Variants in FSD1L observed in about 807,000 individuals in gnomAD.
The protein encoded by FSD1L is fibronectin type III and SPRY domain containing 1 like, also known as FSD1-like protein.
In FSD1L, 45 loss-of-function variants were observed where a neutral mutation model predicts 71.6. That is an observed-to-expected ratio of 0.63 (90% CI 0.49 to 0.81). The LOEUF (loss-of-function observed/expected upper bound fraction) is 0.81, where lower values mean the gene tolerates loss of function less well. Ranked by LOEUF, FSD1L falls within the 30% of genes least tolerant of loss-of-function variation. FSD1L has a pLI of 0.00. For synonymous variants in FSD1L, 197 were observed against 207.2 expected, an observed-to-expected ratio of 0.95 and a Z score of 0.42; for missense variants, 561 against 618.1, an observed-to-expected ratio of 0.91 and a Z score of 0.98.
At chr9:105,485,738 G>T (rs1376978716) in intron 7 of FSD1L, among the ~76,000 whole-genome samples, 1 of 151,550 alleles carries the variant, frequency 6.6e-6, no homozygotes, top group Non-Finnish European at 1.5e-5. Context: ...CTGCCTCCTG[G>T]GTTTGCGCCA....
chr9:105,494,338 G>A (rs1175918333), intron 7 of FSD1L, among the ~76,000 whole-genome samples: 1 of 152,054 alleles, frequency 6.6e-6, no homozygotes, highest in East Asian at 1.9e-4. Flanking sequence ...TCGAGCCTTG[G>A]CTTTCAGCTC....
At chr9:105,495,210 G>C in intron 7 of FSD1L, among the ~76,000 whole-genome samples, 1 of 152,170 alleles carries the variant, frequency 6.6e-6, no homozygotes, top group Non-Finnish European at 1.5e-5. Flanking sequence ...AATGGCGGGT[G>C]CCCCTCCCCT....
chr9:105,508,156 G>A (rs187485928), intron 8 of FSD1L, among the ~76,000 whole-genome samples: 8 of 147,724 alleles, frequency 5.4e-5, no homozygotes, highest in Non-Finnish European at 7.5e-5. Flanking sequence ...GAGCCACTGC[G>A]CCCGACCACA....
At chr9:105,443,819 T>A (rs1246570176), upstream of FSD1L, among the ~76,000 whole-genome samples, 2 of 152,176 alleles carry the variant, frequency 1.3e-5, no homozygotes, top group Middle Eastern at 3.2e-3. Context: ...ATAGCTAATA[T>A]TTTTTGAATG....
At chr9:105,497,843 TTTTG>T (rs1312522901) in intron 7 of FSD1L, among the ~76,000 whole-genome samples, 3 of 152,124 alleles carry the variant, frequency 2.0e-5, no homozygotes, top group Admixed American at 1.3e-4. Context: ...TGTTCTTGTT[TTTTG>T]TTTGTTTGTT....
chr9:105,487,037 G>C (rs1404048071), intron 7 of FSD1L, among the ~76,000 whole-genome samples: 2 of 152,024 alleles, frequency 1.3e-5, no homozygotes, highest in African/African-American at 4.8e-5. Flanking sequence ...GAAGCATATA[G>C]TACAGCAAGA....
intron 6 of FSD1L, among the ~76,000 whole-genome samples, chr9:105,481,534 G>A (rs999416245): frequency 6.6e-6 from 1 of 151,540 alleles, no homozygotes; most frequent in Admixed American, 6.6e-5. Context: ...CAAGTGATCT[G>A]CCCACTTCGG....
chr9:105,530,542 A>G (rs1412150842), intron 10 of FSD1L: 4 of 688,260 alleles, frequency 5.8e-6, no homozygotes, highest in South Asian at 1.6e-5. Context: ...TCTGTTATCA[A>G]AAGAGCTCTT....
intron 10 of FSD1L, chr9:105,524,432 C>G: frequency 1.2e-6 from 2 of 1,613,500 alleles, no homozygotes; most frequent in Non-Finnish European, 1.7e-6. Context: ...CTTTACTTCT[C>G]TGCCTTCTGG....
intron 10 of FSD1L, chr9:105,520,076 G>C (rs970278590): frequency 3.4e-4 from 535 of 1,561,890 alleles, no homozygotes; most frequent in Middle Eastern, 4.6e-4. Context: ...ACTTTCTGCC[G>C]CTGGGAGCCG....
intron 10 of FSD1L, chr9:105,525,352 T>G: frequency 6.3e-7 from 1 of 1,590,638 alleles, no homozygotes; most frequent in Non-Finnish European, 8.5e-7. Flanking sequence ...AACTGGAATC[T>G]CACTTAATAT....
chr9:105,462,106 T>C (rs1830737683), intron 2 of FSD1L, among the ~76,000 whole-genome samples: 2 of 152,206 alleles, frequency 1.3e-5, no homozygotes, highest in Middle Eastern at 3.4e-3. Flanking sequence ...AATATGTAAA[T>C]GGGAAGCTAT....
chr9:105,542,494 C>T (rs1004139220), intron 13 of FSD1L, among the ~76,000 whole-genome samples: 5 of 152,132 alleles, frequency 3.3e-5, no homozygotes, highest in Admixed American at 2.6e-4. Context: ...CGCTCTGTCA[C>T]CCAGGCTAGA....
chr9:105,519,741 G>C (rs1243319602), intron 10 of FSD1L, among the ~76,000 whole-genome samples: 1 of 152,084 alleles, frequency 6.6e-6, no homozygotes. Flanking sequence ...AACCAGCACA[G>C]AGGGAGAGAG....
At chr9:105,491,271 G>A (rs1482086731) in intron 7 of FSD1L, among the ~76,000 whole-genome samples, 1 of 151,214 alleles carries the variant, frequency 6.6e-6, no homozygotes, top group Non-Finnish European at 1.5e-5. Context: ...TGAAGCAATT[G>A]TGAATGGGAG....
chr9:105,493,868 C>T (rs1029173970), intron 7 of FSD1L, among the ~76,000 whole-genome samples: 8 of 152,192 alleles, frequency 5.3e-5, no homozygotes, highest in Non-Finnish European at 8.8e-5. Flanking sequence ...GCCGAGAGAT[C>T]CGCTGTTAGT....
rs947793930 is a variant in FSD1L, at chr9:105,550,516, A to G, written c.*4033A>G. On this transcript the variant is annotated 3_prime_UTR_variant, in exon 14 of 14. Coordinates refer to ENST00000481272, the MANE Select transcript of FSD1L (RefSeq NM_001145313.3). ...ATGGCAAGATTACCTCACGTTCAGT[A>G]TAGTTTAGTTTTGTGTGTATCTTAC... 1.3e-5 allele frequency: 2 copies of G among 152,076 alleles called. No individual in the cohort carries two copies. Among genetic ancestry groups the G allele is most frequent in the African/African-American group, 2.4e-5 (1 of 41,460 alleles). The allele number at this position is 152,076 out of a possible 1,614,324, so 9.4% of individuals were successfully genotyped here. A position where few individuals can be genotyped will look rare whatever the true frequency, so the allele number is the denominator to read the frequency against.
intron 10 of FSD1L, chr9:105,513,485 A>T: frequency 1.5e-6 from 1 of 654,376 alleles, no homozygotes; most frequent in Non-Finnish European, 2.5e-6. Flanking sequence ...ATTGTGAGTT[A>T]CAGTAATGAA....
chr9:105,447,446 A>T (rs1242907643), upstream of FSD1L, among the ~76,000 whole-genome samples: 1 of 151,982 alleles, frequency 6.6e-6, no homozygotes, highest in Non-Finnish European at 1.5e-5. Flanking sequence ...CTCATTTTAC[A>T]GATGAAACAA....
Sources: gnomAD v4.1 joint callset for allele counts (sites outside exome capture counted in the v4.1 genomes callset) on GRCh38, gnomAD v4.1.1 for gene constraint, MANE v1.5 for transcripts, NCBI Gene and HGNC (gene_info 2026-07-23, HGNC 2026-07-21) for gene names.